The following VSIG10 variants were observed in gnomAD, a reference collection of about 807,000 sequenced individuals.
The protein encoded by VSIG10 is V-set and immunoglobulin domain-containing protein 10.
In VSIG10, 48 loss-of-function variants were observed where a neutral mutation model predicts 58.7. The observed-to-expected ratio is 0.82, with a 90% CI of 0.65 to 1.04. VSIG10 has a LOEUF of 1.04. Ranked by LOEUF, VSIG10 falls within the 50% of genes least tolerant of loss-of-function variation. The pLI is 0.00. For synonymous variants in VSIG10, 260 were observed against 267.1 expected (o/e 0.97, Z 0.26); for missense variants, 628 against 670.0 (o/e 0.94, Z 0.69).
chr12:118,079,275 C>A, intron 4 of VSIG10, 71 bp downstream of exon 4: 2 of 1,567,180 alleles, frequency 1.3e-6, no homozygotes, highest in Non-Finnish European at 8.7e-7. Context: ...CAGAAGAACT[C>A]TCAAATGCTT....
Position 118,073,836 on chromosome 12 carries a change from T to TG in VSIG10, c.1081dup (p.His361ProfsTer23). 1 of 1,613,960 alleles carries TG rather than the reference T, an allele frequency of 6.2e-7. No individual in the cohort carries two copies. Among genetic ancestry groups the TG allele is most frequent in the Non-Finnish European group, 8.5e-7 (1 of 1,179,890 alleles). Reference sequence around the variant, plus strand: ...GTTCTGGCCATCCTGGGTAATGAGATGGCGGCTGCTAGGCTGGATGATCAC... The same window carrying TG: ...GTTCTGGCCATCCTGGGTAATGAGATGGGCGGCTGCTAGGCTGGATGATCAC... On this transcript the variant is annotated frameshift_variant, in exon 5 of 9. Transcript: ENST00000359236. LOFTEE classifies it high-confidence loss of function.
At chr12:118,071,200 CG>C in intron 6 of VSIG10, 133 bp from the exon 7 acceptor site, 2 of 1,217,528 alleles carry the variant, frequency 1.6e-6, no homozygotes, top group African/African-American at 1.5e-5. Context: ...TAGGGTGTCC[CG>C]GGATGGTACT....
chr12:118,095,541 T>G lies in VSIG10; in HGVS notation c.353A>C (p.Gln118Pro). The change falls in exon 2 of 9, where the codon CAG becomes CCG. Residue 118 changes from glutamine to proline, a missense_variant. Gln to Pro is a moderately conservative substitution (Grantham distance 76). Coordinates refer to ENST00000359236, the MANE Select transcript of VSIG10 (RefSeq NM_019086.6). ...NVTQWFQVWL[Q>P]VASGPYQIEV... ...CTGCCAGCCCCACTTACTGGCCACC[T>G]GCAGCCACACTTGGAACCACTGAGT... 1 of 1,613,844 alleles carries G rather than the reference T, an allele frequency of 6.2e-7. No homozygotes were observed. Among genetic ancestry groups the G allele is most frequent in the Non-Finnish European group, 8.5e-7 (1 of 1,179,804 alleles).
intron 2 of VSIG10, among the ~76,000 whole-genome samples, chr12:118,083,302 G>A (rs148258855): frequency 4.4e-4 from 67 of 151,866 alleles, no homozygotes; most frequent in Non-Finnish European, 8.1e-4. Context: ...ATTAGGGCCA[G>A]CACGGTGGCT....
chr12:118,070,193 C>A (rs2032430178), intron 7 of VSIG10, among the ~76,000 whole-genome samples: 1 of 152,024 alleles, frequency 6.6e-6, no homozygotes, highest in Non-Finnish European at 1.5e-5. Context: ...GGTTCCTTCG[C>A]CCCTACTGGG....
chr12:118,084,891 C>T (rs986322860), intron 2 of VSIG10, among the ~76,000 whole-genome samples: 4 of 152,034 alleles, frequency 2.6e-5, no homozygotes, highest in Non-Finnish European at 5.9e-5. Flanking sequence ...TGGTGGCGGG[C>T]GCCTGTAGTC....
At chr12:118,082,758 C>T (rs2033000205) in intron 2 of VSIG10, among the ~76,000 whole-genome samples, 1 of 151,440 alleles carries the variant, frequency 6.6e-6, no homozygotes, top group Non-Finnish European at 1.5e-5. Flanking sequence ...AGGAGGATCA[C>T]TTGAGGCCAG....
chr12:118,077,392 T>A (rs1373754838), intron 4 of VSIG10, among the ~76,000 whole-genome samples: 2 of 152,184 alleles, frequency 1.3e-5, no homozygotes, highest in African/African-American at 4.8e-5. Flanking sequence ...CCCTTTTATA[T>A]ATACCATTTT....
chr12:118,071,189 A>G (rs2032475582), intron 6 of VSIG10, 122 bp from the exon 7 acceptor site: 1 of 1,271,530 alleles, frequency 7.9e-7, no homozygotes. Flanking sequence ...ATGACAGGTG[A>G]TAGGGTGTCC....
chr12:118,103,503 C>A, intron 1 of VSIG10, 90 bp downstream of exon 1: 3 of 1,306,308 alleles, frequency 2.3e-6, no homozygotes, highest in Non-Finnish European at 3.0e-6. Flanking sequence ...CGGATCCGGG[C>A]GGAGTCGGAG....
At chr12:118,096,857 G>A (rs1229745204) in intron 1 of VSIG10, among the ~76,000 whole-genome samples, 4 of 151,686 alleles carry the variant, frequency 2.6e-5, no homozygotes, top group African/African-American at 9.7e-5. Context: ...TGGCCAACAT[G>A]ACAAAACCCC....
intron 2 of VSIG10, among the ~76,000 whole-genome samples, chr12:118,088,425 C>G (rs899518396): frequency 6.6e-6 from 1 of 152,108 alleles, no homozygotes; most frequent in Non-Finnish European, 1.5e-5. Flanking sequence ...CCGTTACCCT[C>G]AATTTCACAG....
At chr12:118,101,733 T>C (rs2137967340) in intron 1 of VSIG10, 1 of 152,212 alleles carries the variant, frequency 6.6e-6, no homozygotes, top group Non-Finnish European at 1.5e-5. Context: ...AAAATTTTTT[T>C]CCCCAAAAAC....
intron 7 of VSIG10, among the ~76,000 whole-genome samples, chr12:118,069,257 T>G (rs766762950): frequency 6.7e-6 from 1 of 148,956 alleles, no homozygotes; most frequent in Non-Finnish European, 1.5e-5. Flanking sequence ...ATCTGGCTAA[T>G]TTTTGTATTT....
chr12:118,078,089 C>CTAAT (rs2032796212), intron 4 of VSIG10, among the ~76,000 whole-genome samples: 2 of 152,128 alleles, frequency 1.3e-5, no homozygotes, highest in Admixed American at 1.3e-4. Flanking sequence ...GAGGTAAGGC[C>CTAAT]TAATGGAAGG....
At chr12:118,092,627 A>C (rs1300575343) in intron 2 of VSIG10, among the ~76,000 whole-genome samples, 4 of 131,570 alleles carry the variant, frequency 3.0e-5, no homozygotes, top group Middle Eastern at 3.7e-3. Flanking sequence ...ATTTCATATG[A>C]TTTTCTTTTT....
Position 118,093,530 on chromosome 12 carries a change from T to C in VSIG10, c.361+2003A>G, listed in dbSNP as rs146092372. Among the ~76,000 whole-genome samples the C allele has an allele frequency of 9.1e-3, 1,378 of 152,118 alleles. 10 individuals carry two copies. The highest frequency in any genetic ancestry group is 0.012 in the Non-Finnish European group (796 of 67,984). ...GGCCTGCTGTAAATCCATATGTGTA[T>C]ATCAGCAGATATGACAGACTGTTTT... is the stretch of plus-strand genomic sequence containing the variant. On this transcript the variant is annotated intron_variant, in intron 2 of 8. Coordinates refer to ENST00000359236, the MANE Select transcript of VSIG10 (RefSeq NM_019086.6).
At chr12:118,095,940 T>TG (rs1232836225) in intron 1 of VSIG10, 126 bp from the exon 2 acceptor site, 1 of 1,268,318 alleles carries the variant, frequency 7.9e-7, no homozygotes, top group African/African-American at 1.5e-5. Context: ...TTTTTTTTTT[T>TG]TTTGAGACGG....
At chr12:118,097,714 G>A (rs1350401909) in intron 1 of VSIG10, among the ~76,000 whole-genome samples, 2 of 151,718 alleles carry the variant, frequency 1.3e-5, no homozygotes, top group Admixed American at 6.6e-5. Context: ...CTGAGCTCAG[G>A]AGTTCGAGAC....
Sources: allele counts gnomAD v4.1 joint callset (sites outside exome capture counted in the v4.1 genomes callset), GRCh38; gene constraint gnomAD v4.1.1; transcripts MANE v1.5; gene names NCBI Gene and HGNC (gene_info 2026-07-23, HGNC 2026-07-21).